Variants in PRDM2 observed in about 807,000 individuals in gnomAD.
PRDM2 encodes the protein PR domain zinc finger protein 2.
In PRDM2, 30 loss-of-function variants were observed where a neutral mutation model predicts 130.0. The ratio of observed to expected loss-of-function variants is 0.23; its 90% CI spans 0.17 to 0.31. The LOEUF is 0.31. Ranked by LOEUF, PRDM2 falls within the 10% of genes least tolerant of loss-of-function variation. The pLI is 1.00. For missense variants in PRDM2, 2,011 were observed against 2,108.4 expected, an observed-to-expected ratio of 0.95 and a Z score of 0.90; for synonymous variants, 871 against 782.4, an observed-to-expected ratio of 1.11 and a Z score of -1.89.
intron 1 of PRDM2, among the ~76,000 whole-genome samples, chr1:13,704,019 AG>A (rs999753485): frequency 8.5e-5 from 13 of 152,242 alleles, no homozygotes; most frequent in Non-Finnish European, 1.8e-4. Flanking sequence ...GCTTTCCTCT[AG>A]GGGGAAAAGT....
At chr1:13,811,321 T>A (rs1365346698) in intron 8 of PRDM2, among the ~76,000 whole-genome samples, 1 of 152,196 alleles carries the variant, frequency 6.6e-6, no homozygotes. Flanking sequence ...TCGTTAACGC[T>A]TACTTGCACA....
At chr1:13,818,846 G>A (rs1377130771) in intron 9 of PRDM2, among the ~76,000 whole-genome samples, 2 of 152,114 alleles carry the variant, frequency 1.3e-5, no homozygotes, top group African/African-American at 4.8e-5. Flanking sequence ...TCCCTGAGAG[G>A]GGAACCTGGA....
intron 8 of PRDM2, among the ~76,000 whole-genome samples, chr1:13,802,722 A>C (rs923133435): frequency 1.3e-5 from 2 of 152,218 alleles, no homozygotes; most frequent in Non-Finnish European, 1.5e-5. Context: ...ATAAGGGACC[A>C]TCATCTCTTG....
intron 6 of PRDM2, among the ~76,000 whole-genome samples, chr1:13,770,125 G>A (rs927503123): frequency 1.3e-5 from 2 of 152,146 alleles, no homozygotes; most frequent in African/African-American, 4.8e-5. Context: ...AGATACTGGA[G>A]ATGTACCTAC....
chr1:13,775,525 G>A (rs1355830745), intron 7 of PRDM2, among the ~76,000 whole-genome samples: 1 of 150,340 alleles, frequency 6.7e-6, no homozygotes, highest in Non-Finnish European at 1.5e-5. Flanking sequence ...AATTAGTCTA[G>A]GGGGAGAGAA....
At chr1:13,748,590 G>A (rs920505511) in intron 5 of PRDM2, among the ~76,000 whole-genome samples, 1 of 152,138 alleles carries the variant, frequency 6.6e-6, no homozygotes, top group African/African-American at 2.4e-5. Context: ...CCAAATTCTA[G>A]GGGTGTGAAC....
In PRDM2 at chr1:13,749,390, C is replaced by T. The variant is rs753552653; in HGVS notation, c.414C>T (p.Val138=). ...KPIAPGEELL[V]WYNGEDNPEI... is the part of the protein sequence containing the mutation. Reference sequence around the variant, plus strand: ...TCGCGCCGGGCGAGGAGCTCCTGGTCTGGTACAATGGGGAAGACAACCCTG... The same window carrying T: ...TCGCGCCGGGCGAGGAGCTCCTGGTTTGGTACAATGGGGAAGACAACCCTG... Residue 138 remains valine (V), a synonymous_variant, in exon 6 of 10, where the codon GTC becomes GTT. Transcript: ENST00000311066. 3.3e-6 allele frequency: 5 copies of T among 1,499,628 alleles called. No homozygotes were observed. The highest frequency in any genetic ancestry group is 3.6e-6 in the Non-Finnish European group (4 of 1,110,384). 92.9% of individuals were successfully genotyped at this position (1,499,628 alleles called of 1,614,324 possible).
intron 8 of PRDM2, among the ~76,000 whole-genome samples, chr1:13,813,131 G>A (rs1303065454): frequency 1.3e-5 from 2 of 152,182 alleles, no homozygotes; most frequent in African/African-American, 2.4e-5. Context: ...AGGATGCCCT[G>A]CACGGAGACC....
intron 2 of PRDM2, among the ~76,000 whole-genome samples, chr1:13,725,108 G>T (rs1377275882): frequency 6.6e-6 from 1 of 152,158 alleles, no homozygotes; most frequent in African/African-American, 2.4e-5. Context: ...GATGTTTGTT[G>T]TATCTATGGA....
At chr1:13,742,453 C>G (rs1364267616) in intron 5 of PRDM2, among the ~76,000 whole-genome samples, 2 of 152,216 alleles carry the variant, frequency 1.3e-5, no homozygotes, top group Non-Finnish European at 2.9e-5. Context: ...CTACCTGCCT[C>G]AGCCTCCCAA....
At chr1:13,820,031 G>T (rs1254266334) in intron 9 of PRDM2, among the ~76,000 whole-genome samples, 1 of 152,214 alleles carries the variant, frequency 6.6e-6, no homozygotes, top group East Asian at 1.9e-4. Context: ...GTTCAGGAAG[G>T]TGTGTGCAGG....
intron 8 of PRDM2, among the ~76,000 whole-genome samples, chr1:13,788,742 G>A (rs1644791696): frequency 6.6e-6 from 1 of 152,230 alleles, no homozygotes; most frequent in Admixed American, 6.5e-5. Context: ...GCCCTGTGAG[G>A]AGTTGAGTGT....
rs368166331 is a variant in PRDM2, at chr1:13,769,208, C to A, written c.512-3870C>A. ...CTTGTGTGCTTGCCAGGCCTCCCAG[C>A]GGCTCCTGCTCCTCTGCCTCACAGA... On this transcript the variant is annotated intron_variant, in intron 6 of 9. Coordinates refer to ENST00000311066, the MANE Select transcript of PRDM2 (RefSeq NM_001393986.1). The A allele has an allele frequency of 1.8e-5, 17 of 947,152 alleles. No homozygotes were observed. The East Asian group carries it at 3.5e-4, about 19-fold the overall frequency. The allele number at this position is 947,152 out of a possible 1,614,324, so 58.7% of individuals were successfully genotyped here.
At position 13,749,353 on chromosome 1, in the gene PRDM2, C is replaced by T. The variant is rs568964063; in HGVS notation, c.385-8C>T. On this transcript the variant is annotated splice_polypyrimidine_tract_variant and splice_region_variant and intron_variant, in intron 5 of 9. Transcript: ENST00000311066. Reference sequence around the variant, plus strand: ...TTGGCCCGGCGCTTGTCTCTTCTCTCCCCGCAGCCAATCGCGCCGGGCGAG... The same window carrying T: ...TTGGCCCGGCGCTTGTCTCTTCTCTTCCCGCAGCCAATCGCGCCGGGCGAG... 3 of 1,485,150 alleles carry T rather than the reference C, an allele frequency of 2.0e-6. No homozygotes were observed. Among genetic ancestry groups the T allele is most frequent in the South Asian group, 1.2e-5 (1 of 86,544 alleles). 92.0% of individuals were successfully genotyped at this position (1,485,150 alleles called of 1,614,324 possible). A position where few individuals can be genotyped will look rare whatever the true frequency, so the allele number is the denominator to read the frequency against.
At chr1:13,747,769 CA>C (rs78988090) in intron 5 of PRDM2, among the ~76,000 whole-genome samples, 698 of 48,380 alleles carry the variant, frequency 0.014, 6 homozygotes, top group African/African-American at 0.041. Context: ...TCCCTCCCCG[CA>C]AAAAAAAAAA....
At chr1:13,720,945 G>C (rs1216954799) in intron 2 of PRDM2, among the ~76,000 whole-genome samples, 2 of 152,204 alleles carry the variant, frequency 1.3e-5, no homozygotes, top group African/African-American at 4.8e-5. Context: ...TCACACCCGT[G>C]TAACTATCAC....
chr1:13,705,920 T>A (rs1329051312), intron 1 of PRDM2, among the ~76,000 whole-genome samples: 4 of 143,798 alleles, frequency 2.8e-5, no homozygotes, highest in African/African-American at 1.0e-4. Flanking sequence ...AGGCGGAGGT[T>A]GCAGTGAGTC....
rs566947432 is a variant in PRDM2, at chr1:13,808,723, A to G, written c.5037-7704A>G. Among the ~76,000 whole-genome samples the G allele has an allele frequency of 2.6e-5, 4 of 152,318 alleles. No individual in the cohort carries two copies. In the South Asian group the frequency reaches 8.3e-4, roughly 32 times the overall value. ...CATGTTGAGGGTCTATTATTCACTC[A>G]CGCACAGTTAGGTACTAAGAATACA... On this transcript the variant is annotated intron_variant, in intron 8 of 9. Transcript: ENST00000311066.
intron 8 of PRDM2, among the ~76,000 whole-genome samples, chr1:13,804,105 CT>C (rs1177074421): frequency 6.6e-6 from 1 of 152,142 alleles, no homozygotes; most frequent in Non-Finnish European, 1.5e-5. Flanking sequence ...TTGCTGTCCC[CT>C]CTGCCATAAA....
Sources: gnomAD v4.1 joint callset for allele counts (sites outside exome capture counted in the v4.1 genomes callset) on GRCh38, gnomAD v4.1.1 for gene constraint, MANE v1.5 for transcripts, NCBI Gene and HGNC (gene_info 2026-07-23, HGNC 2026-07-21) for gene names.